The following EGFR variants were observed in gnomAD, a reference collection of about 807,000 sequenced individuals.
EGFR encodes the protein epidermal growth factor receptor.
In EGFR, 58 loss-of-function variants were observed where a neutral mutation model predicts 143.0. The ratio of observed to expected loss-of-function variants is 0.41; its 90% CI spans 0.33 to 0.50. EGFR has a LOEUF of 0.50. Ranked by LOEUF, EGFR falls within the 20% of genes least tolerant of loss-of-function variation. EGFR has a pLI of 0.39. For missense variants in EGFR, 1,307 were observed against 1,579.0 expected (o/e 0.83, Z 2.92); for synonymous variants, 613 against 594.4 (o/e 1.03, Z -0.45).
chr7:55,031,000 GA>G (rs1787213126), intron 1 of EGFR, among the ~76,000 whole-genome samples: 1 of 152,216 alleles, frequency 6.6e-6, no homozygotes, highest in African/African-American at 2.4e-5. Context: ...TCCTCCACAA[GA>G]AAGGAAGAAA....
chr7:55,109,223 A>G (rs549027614), intron 1 of EGFR, among the ~76,000 whole-genome samples: 54 of 152,386 alleles, frequency 3.5e-4, no homozygotes, highest in African/African-American at 1.2e-3. Flanking sequence ...GTCATTTAAA[A>G]TCTATTTCCA....
intron 1 of EGFR, chr7:55,043,906 C>CA (rs1468738336): frequency 2.0e-5 from 3 of 152,158 alleles, no homozygotes; most frequent in Non-Finnish European, 4.4e-5. Flanking sequence ...CATTCCTGAC[C>CA]AGTTGCACTT....
intron 27 of EGFR, 109 bp downstream of exon 27, chr7:55,202,734 G>A: frequency 1.0e-6 from 1 of 967,244 alleles, no homozygotes; most frequent in South Asian, 1.4e-5. Flanking sequence ...TCTCCAGAGG[G>A]GGAAACAGTG....
intron 1 of EGFR, among the ~76,000 whole-genome samples, chr7:55,130,687 A>G (rs542534434): frequency 2.0e-5 from 3 of 152,354 alleles, no homozygotes; most frequent in Admixed American, 6.5e-5. Context: ...CACGCTTACA[A>G]AACCATCACA....
Position 55,019,132 on chromosome 7 carries a change from C to A in EGFR, c.-146C>A, listed in dbSNP as rs1048537252. 23 of 529,826 alleles carry A rather than the reference C, an allele frequency of 4.3e-5. No individual in the cohort carries two copies. The highest frequency in any genetic ancestry group is 4.3e-4 in the African/African-American group (21 of 48,850). The allele number at this position is 529,826 out of a possible 1,614,324, so 32.8% of individuals were successfully genotyped here. ...GTCCCGAGCTAGCCCCGGCGGCCGC[C>A]GCCGCCCAGACCGGACGACAGGCCA... is the stretch of plus-strand genomic sequence containing the variant. On this transcript the variant is annotated 5_prime_UTR_variant, in exon 1 of 28. Coordinates refer to ENST00000275493, the MANE Select transcript of EGFR (RefSeq NM_005228.5).
intron 1 of EGFR, among the ~76,000 whole-genome samples, chr7:55,046,962 C>A (rs139917173): frequency 1.7e-3 from 265 of 152,140 alleles, no homozygotes; most frequent in African/African-American, 6.2e-3. Context: ...AATTAATGTG[C>A]CTTATTTAGA....
At chr7:55,031,841 A>G (rs1583867811) in intron 1 of EGFR, among the ~76,000 whole-genome samples, 1 of 152,260 alleles carries the variant, frequency 6.6e-6, no homozygotes, top group African/African-American at 2.4e-5. Context: ...CGCATTTTGG[A>G]AAAGGAAAAT....
chr7:55,124,631 G>A (rs1793414871), intron 1 of EGFR, among the ~76,000 whole-genome samples: 1 of 152,148 alleles, frequency 6.6e-6, no homozygotes. Flanking sequence ...GCTGATTCCA[G>A]CCAAGATGAC....
chr7:55,120,940 G>A lies in EGFR; in HGVS notation c.89-21346G>A, dbSNP rs537166499. Among the ~76,000 whole-genome samples the A allele has an allele frequency of 3.9e-5, 6 of 152,282 alleles. No homozygotes were observed. The South Asian group carries it at 1.0e-3, about 26-fold the overall frequency. Reference sequence around the variant, plus strand: ...TTGAGAGATTAGATAACTGTTTTCCGGTAGAGTGAATTGCCTGTTTGTTGC... The same window carrying A: ...TTGAGAGATTAGATAACTGTTTTCCAGTAGAGTGAATTGCCTGTTTGTTGC... On this transcript the variant is annotated intron_variant, in intron 1 of 27. Transcript: ENST00000275493.
chr7:55,038,458 G>T (rs1474326658), intron 1 of EGFR, among the ~76,000 whole-genome samples: 1 of 152,138 alleles, frequency 6.6e-6, no homozygotes, highest in East Asian at 1.9e-4. Flanking sequence ...CCCACCAGAG[G>T]CTCGCTTGTT....
At chr7:55,197,298 T>G (rs1299886610) in intron 22 of EGFR, among the ~76,000 whole-genome samples, 1 of 152,210 alleles carries the variant, frequency 6.6e-6, no homozygotes, top group Middle Eastern at 3.2e-3. Context: ...ATTCCTGATT[T>G]GGTTCTCAGC....
chr7:55,093,498 C>A (rs1791256950), intron 1 of EGFR, among the ~76,000 whole-genome samples: 1 of 152,198 alleles, frequency 6.6e-6, no homozygotes, highest in South Asian at 2.1e-4. Flanking sequence ...ACCGCTCGCC[C>A]CGCGTCTCAG....
chr7:55,174,058 A>G lies in EGFR; in HGVS notation c.2184+15A>G, dbSNP rs1786481574. 3.1e-6 allele frequency: 5 copies of G among 1,614,046 alleles called. No homozygotes were observed. The highest frequency in any genetic ancestry group is 1.3e-5 in the African/African-American group (1 of 74,962). On this transcript the variant is annotated intron_variant, in intron 18 of 27. Transcript: ENST00000275493. ...CGGTGTATAAGGTAAGGTCCCTGGC[A>G]CAGGCCTCTGGGCTGGGCCGCAGGG...
At chr7:55,132,322 C>G (rs936135475) in intron 1 of EGFR, among the ~76,000 whole-genome samples, 3 of 152,088 alleles carry the variant, frequency 2.0e-5, no homozygotes. Context: ...TCTTTTATTT[C>G]CTTGCAAATT....
chr7:55,037,471 T>C (rs1787655589), intron 1 of EGFR, among the ~76,000 whole-genome samples: 1 of 152,226 alleles, frequency 6.6e-6, no homozygotes. Flanking sequence ...TGATTAAGCA[T>C]AACGTAGCTT....
chr7:55,085,427 C>A (rs1485588845), intron 1 of EGFR, among the ~76,000 whole-genome samples: 5 of 152,182 alleles, frequency 3.3e-5, no homozygotes, highest in Admixed American at 1.3e-4. Flanking sequence ...GTGCAGAGAG[C>A]AGGGTGGGCG....
At chr7:55,152,995 A>C (rs1405966275) in intron 6 of EGFR, among the ~76,000 whole-genome samples, 1 of 152,224 alleles carries the variant, frequency 6.6e-6, no homozygotes, top group African/African-American at 2.4e-5. Flanking sequence ...TAAATACTAC[A>C]TGCAAGTATT....
chr7:55,210,199 G>T lies in EGFR; in HGVS notation c.*4582G>T, dbSNP rs1395514681. On this transcript the variant is annotated 3_prime_UTR_variant, in exon 28 of 28. Coordinates refer to ENST00000275493, the MANE Select transcript of EGFR (RefSeq NM_005228.5). ...AAGAAAAGCAATAACATAGCACTTT[G>T]TTGGTTTATATATATAATGTGACTT... The T allele has an allele frequency of 6.6e-6, 1 of 152,104 alleles. No homozygotes were observed. The highest frequency in any genetic ancestry group is 6.5e-5 in the Admixed American group (1 of 15,278). The allele number at this position is 152,104 out of a possible 1,614,324, so 9.4% of individuals were successfully genotyped here. A position where few individuals can be genotyped will look rare whatever the true frequency, so the allele number is the denominator to read the frequency against.
At chr7:55,140,314 T>C (rs967410547) in intron 1 of EGFR, among the ~76,000 whole-genome samples, 2 of 152,112 alleles carry the variant, frequency 1.3e-5, no homozygotes, top group African/African-American at 4.8e-5. Context: ...GAGGAAACTC[T>C]TCTGCAACGT....
Sources: allele counts gnomAD v4.1 joint callset (sites outside exome capture counted in the v4.1 genomes callset), GRCh38; gene constraint gnomAD v4.1.1; transcripts MANE v1.5; gene names NCBI Gene and HGNC (gene_info 2026-07-23, HGNC 2026-07-21).